Variants in PCDH11Y observed in about 807,000 individuals in gnomAD.
PCDH11Y encodes protocadherin-11 Y-linked.
For synonymous variants in PCDH11Y, 9 were observed against 83.6 expected, an observed-to-expected ratio of 0.11 and a Z score of 4.87; for missense variants, 12 against 224.8, an observed-to-expected ratio of 0.05 and a Z score of 6.05.
intron 2 of PCDH11Y, among the ~76,000 whole-genome samples, chrY:5,384,890 C>T (rs2053210382): frequency 3.9e-5 from 1 of 25,911 alleles, no homozygotes; most frequent in Non-Finnish European, 8.7e-5. Flanking sequence ...TTATGAATCT[C>T]CTGTTTTCAA....
chrY:5,200,334 C>T, intron 2 of PCDH11Y, among the ~76,000 whole-genome samples: 1 of 32,533 alleles, frequency 3.1e-5, no homozygotes. Flanking sequence ...AGTTTACTGA[C>T]TTGTGAGAAC....
chrY:5,087,122 T>A, intron 1 of PCDH11Y, among the ~76,000 whole-genome samples: 1 of 33,681 alleles, frequency 3.0e-5, no homozygotes, highest in Non-Finnish European at 7.4e-5. Flanking sequence ...CAACATGCAA[T>A]CCTTCCCTTG....
chrY:5,656,523 T>C (rs2053536440), intron 4 of PCDH11Y, among the ~76,000 whole-genome samples: 3 of 30,123 alleles, frequency 1.0e-4, no homozygotes, highest in Non-Finnish European at 1.6e-4. Context: ...CTGAAGATTT[T>C]CCCCCCCAAA....
chrY:5,449,736 A>T, intron 2 of PCDH11Y, among the ~76,000 whole-genome samples: 1 of 33,526 alleles, frequency 3.0e-5, no homozygotes, highest in Admixed American at 2.7e-4. Flanking sequence ...GATCAATAAC[A>T]CTTCATCTGT....
At chrY:5,740,737 G>A in exon 5 of PCDH11Y, 2 of 33,966 alleles carry the variant, frequency 5.9e-5, no homozygotes, top group African/African-American at 2.3e-4. Context: ...GATGTATGAT[G>A]TATGTAGTCC....
At chrY:5,328,558 C>T in intron 2 of PCDH11Y, among the ~76,000 whole-genome samples, 3 of 32,340 alleles carry the variant, frequency 9.3e-5, no homozygotes, top group Non-Finnish European at 1.5e-4. Flanking sequence ...GGGTTGCTGC[C>T]GAACGAGCCA....
At chrY:5,299,003 T>C (rs1602900869) in intron 2 of PCDH11Y, among the ~76,000 whole-genome samples, 1 of 32,907 alleles carries the variant, frequency 3.0e-5, no homozygotes, top group East Asian at 7.9e-4. Context: ...ATGAATTTAT[T>C]TATGTCTGAA....
chrY:5,434,635 G>A (rs2053272086), intron 2 of PCDH11Y, among the ~76,000 whole-genome samples: 1 of 31,451 alleles, frequency 3.2e-5, no homozygotes, highest in Admixed American at 3.0e-4. Context: ...TAAATCACTA[G>A]GATTACTGTT....
chrY:5,242,692 A>G, intron 2 of PCDH11Y, among the ~76,000 whole-genome samples: 1 of 30,229 alleles, frequency 3.3e-5, no homozygotes. Context: ...AGCTGATGAG[A>G]GGTTCCTCAT....
intron 4 of PCDH11Y, among the ~76,000 whole-genome samples, chrY:5,683,634 C>T (rs2053560578): frequency 3.0e-5 from 1 of 33,061 alleles, no homozygotes; most frequent in Non-Finnish European, 7.5e-5. Flanking sequence ...ACCAAGGGAA[C>T]AGAATAGAGA....
intron 2 of PCDH11Y, among the ~76,000 whole-genome samples, chrY:5,419,033 A>G (rs1168860584): frequency 3.3e-4 from 11 of 33,361 alleles, no homozygotes; most frequent in Non-Finnish European, 7.4e-4. Context: ...CCTATCCAAT[A>G]TTCTTTCCAC....
At chrY:5,280,267 C>T in intron 2 of PCDH11Y, among the ~76,000 whole-genome samples, 1 of 32,300 alleles carries the variant, frequency 3.1e-5, no homozygotes, top group Non-Finnish European at 7.5e-5. Flanking sequence ...TTCTCTGGAT[C>T]CTTTCCCTCC....
intron 3 of PCDH11Y, among the ~76,000 whole-genome samples, chrY:5,511,697 T>G (rs1602936209): frequency 6.0e-5 from 2 of 33,124 alleles, no homozygotes; most frequent in South Asian, 1.4e-3. Context: ...ATCATATGCT[T>G]GAAACTGAAC....
chrY:5,472,642 C>G, intron 2 of PCDH11Y, among the ~76,000 whole-genome samples: 1 of 32,617 alleles, frequency 3.1e-5, no homozygotes, highest in Admixed American at 2.8e-4. Flanking sequence ...GATAATTAAA[C>G]CAGTTTTTTT....
chrY:5,176,348 T>G, intron 2 of PCDH11Y, among the ~76,000 whole-genome samples: 1 of 22,596 alleles, frequency 4.4e-5, no homozygotes, highest in Admixed American at 4.4e-4. Context: ...TGATGGTAGT[T>G]TCTTTTGCTG....
intron 2 of PCDH11Y, among the ~76,000 whole-genome samples, chrY:5,250,528 C>T: frequency 3.1e-5 from 1 of 32,445 alleles, no homozygotes; most frequent in Admixed American, 2.9e-4. Context: ...AACCAAATAT[C>T]GTGTGTTCTC....
chrY:5,673,589 A>T (rs2053551349), intron 4 of PCDH11Y, among the ~76,000 whole-genome samples: 2 of 28,132 alleles, frequency 7.1e-5, no homozygotes, highest in Non-Finnish European at 1.7e-4. Flanking sequence ...AGAATTTTTT[A>T]AAAATTACTA....
At chrY:5,673,535 T>G in intron 4 of PCDH11Y, among the ~76,000 whole-genome samples, 1 of 23,030 alleles carries the variant, frequency 4.3e-5, no homozygotes, top group Non-Finnish European at 1.0e-4. Flanking sequence ...CTTGCATTAT[T>G]TACAGCTAAA....
At chrY:5,467,352 T>A in intron 2 of PCDH11Y, among the ~76,000 whole-genome samples, 2 of 30,973 alleles carry the variant, frequency 6.5e-5, no homozygotes, top group African/African-American at 1.3e-4. Context: ...TTTTGCACAT[T>A]TGTGACTGAT....
Sources: gnomAD v4.1 joint callset for allele counts (sites outside exome capture counted in the v4.1 genomes callset) on GRCh38, gnomAD v4.1.1 for gene constraint, MANE v1.5 for transcripts, NCBI Gene and HGNC (gene_info 2026-07-23, HGNC 2026-07-21) for gene names.